Variants in SP140L observed in about 807,000 individuals in gnomAD.
The protein encoded by SP140L is SP140 like nuclear body protein.
SP140L carries 64 observed loss-of-function variants against 84.3 expected under a neutral mutation model. That is an observed-to-expected ratio of 0.76 (90% CI 0.62 to 0.94). The LOEUF is 0.94. Ranked by LOEUF, SP140L falls within the 40% of genes least tolerant of loss-of-function variation. The pLI is 0.00. For synonymous variants in SP140L, 242 were observed against 236.9 expected (o/e 1.02, Z -0.20); for missense variants, 628 against 692.5 (o/e 0.91, Z 1.05).
In SP140L at chr2:230,385,322, C is replaced by T; in HGVS notation, c.784+18C>T. 1 of 1,611,832 alleles carries T rather than the reference C, an allele frequency of 6.2e-7. No homozygotes were observed. The highest frequency in any genetic ancestry group is 8.5e-7 in the Non-Finnish European group (1 of 1,178,300). On this transcript the variant is annotated intron_variant, in intron 9 of 18. Transcript: ENST00000415673. ...GATTAGGGGTAAGATAAAGTTGGTA[C>T]CACTTTTCATTTGCCCTGCAGGTCA...
At chr2:230,380,715 A>G (rs2061376422) in intron 7 of SP140L, among the ~76,000 whole-genome samples, 1 of 152,168 alleles carries the variant, frequency 6.6e-6, no homozygotes, top group South Asian at 2.1e-4. Context: ...AAAAAACTTT[A>G]TATAAATAAG....
At chr2:230,353,075 TCTC>T (rs1431866822) in intron 2 of SP140L, among the ~76,000 whole-genome samples, 3 of 152,200 alleles carry the variant, frequency 2.0e-5, no homozygotes, top group Non-Finnish European at 4.4e-5. Flanking sequence ...TTTAAATACT[TCTC>T]CTTTTATTTA....
At chr2:230,354,871 AAGAAAGAAAG>A (rs1383030311) in intron 2 of SP140L, among the ~76,000 whole-genome samples, 3 of 140,400 alleles carry the variant, frequency 2.1e-5, no homozygotes, top group African/African-American at 7.9e-5. Context: ...GAAAGAAAGA[AAGAAAGAAAG>A]AAAGAAAGAA....
chr2:230,358,209 C>T (rs2060608733), intron 3 of SP140L, among the ~76,000 whole-genome samples: 1 of 152,088 alleles, frequency 6.6e-6, no homozygotes, highest in South Asian at 2.1e-4. Context: ...AATTCATACA[C>T]TATAACATAA....
intron 2 of SP140L, among the ~76,000 whole-genome samples, chr2:230,352,814 A>G (rs535284345): frequency 9.4e-5 from 14 of 148,936 alleles, no homozygotes; most frequent in Admixed American, 4.0e-4. Flanking sequence ...GTATGTGTGT[A>G]TATATATATA....
intron 2 of SP140L, among the ~76,000 whole-genome samples, chr2:230,351,716 G>A (rs141765058): frequency 1.2e-4 from 19 of 152,052 alleles, no homozygotes; most frequent in African/African-American, 4.1e-4. Context: ...GTGTGACCTC[G>A]GCTTACTATA....
At chr2:230,358,909 T>A in intron 3 of SP140L, 55 bp from the exon 4 acceptor site, 1 of 1,443,848 alleles carries the variant, frequency 6.9e-7, no homozygotes, top group South Asian at 1.5e-5. Context: ...TTTTTATGGC[T>A]CTTCTGTAAC....
intron 5 of SP140L, 61 bp from the exon 6 acceptor site, chr2:230,370,847 C>T: frequency 1.9e-6 from 3 of 1,545,350 alleles, no homozygotes; most frequent in Non-Finnish European, 2.7e-6. Context: ...CAATTTTGCC[C>T]CGGGAGCAGA....
In SP140L at chr2:230,328,818, C is replaced by G; in HGVS notation, c.94C>G (p.Gln32Glu). 6.2e-7 allele frequency: 1 copy of G among 1,609,924 alleles called. No homozygotes were observed. Among genetic ancestry groups the G allele is most frequent in the East Asian group, 2.2e-5 (1 of 44,760 alleles). The part of the protein sequence containing the change: ...NEMNHLPAHS[Q>E]SLQRLFTEDQ... Reference sequence around the variant, plus strand: ...GATGAACCATCTTCCTGCACACAGCCAAAGTCTGCAAAGGTGATGAAGAAT... The same window carrying G: ...GATGAACCATCTTCCTGCACACAGCGAAAGTCTGCAAAGGTGATGAAGAAT... The change falls in exon 2 of 19, where the codon CAA becomes GAA. Residue 32 changes from glutamine to glutamate, a missense_variant. Coordinates refer to ENST00000415673, the MANE Select transcript of SP140L (RefSeq NM_138402.6).
intron 7 of SP140L, among the ~76,000 whole-genome samples, chr2:230,373,002 G>T (rs373800301): frequency 6.6e-6 from 1 of 152,176 alleles, no homozygotes; most frequent in Non-Finnish European, 1.5e-5. Flanking sequence ...GATCAAATCA[G>T]CCACAACATT....
chr2:230,394,623 T>C (rs571727009), intron 13 of SP140L, among the ~76,000 whole-genome samples: 6 of 152,180 alleles, frequency 3.9e-5, no homozygotes, highest in Non-Finnish European at 7.3e-5. Flanking sequence ...CCAAATGAGC[T>C]GGCAATTTCC....
intron 6 of SP140L, 149 bp downstream of exon 6, chr2:230,371,116 G>T: frequency 1.5e-6 from 1 of 667,266 alleles, no homozygotes; most frequent in South Asian, 1.8e-5. Flanking sequence ...AGAGGCAAGA[G>T]ATCATTATAA....
chr2:230,330,690 T>C (rs1417767785), intron 2 of SP140L, among the ~76,000 whole-genome samples: 1 of 152,262 alleles, frequency 6.6e-6, no homozygotes, highest in Non-Finnish European at 1.5e-5. Flanking sequence ...TCTTCATAGA[T>C]ATTTGATATC....
Position 230,392,099 on chromosome 2 carries a change from A to G in SP140L, c.977A>G (p.Lys326Arg), listed in dbSNP as rs183267141. 4.1e-3 allele frequency: 6,697 copies of G among 1,613,826 alleles called. 33 individuals carry two copies. The highest frequency in any genetic ancestry group is 4.4e-3 in the Non-Finnish European group (5,229 of 1,179,756). Residue 326 changes from lysine to arginine, a missense_variant, in exon 12 of 19, where the codon AAG (lysine) becomes AGG (arginine). Lys to Arg is a conservative substitution (Grantham distance 26). Transcript: ENST00000415673. ...KEKLEQGTLA[K>R]CIQTEDGKWF... ...CCTGGTCTTACAGGAACCTTGGCAA[A>G]GTGTATACAGACTGAGGATGGAAAA...
chr2:230,396,809 A>G lies in SP140L; in HGVS notation c.1197+11A>G, dbSNP rs2062070802. 6.2e-7 allele frequency: 1 copy of G among 1,613,744 alleles called. No homozygotes were observed. The highest frequency in any genetic ancestry group is 8.5e-7 in the Non-Finnish European group (1 of 1,179,820). ...TCAGTTGACCCTTGTGTAAGTATAA[A>G]TTCTGAACTACAACCCCCAGAATAT... is the stretch of plus-strand genomic sequence containing the variant. On this transcript the variant is annotated intron_variant, in intron 14 of 18. Coordinates refer to ENST00000415673, the MANE Select transcript of SP140L (RefSeq NM_138402.6).
chr2:230,336,409 T>A (rs1164444200), intron 2 of SP140L, among the ~76,000 whole-genome samples: 1 of 152,206 alleles, frequency 6.6e-6, no homozygotes, highest in African/African-American at 2.4e-5. Flanking sequence ...TTGGCCCCAT[T>A]TGTTTTGCTT....
At chr2:230,393,733 A>T (rs925824296) in intron 13 of SP140L, among the ~76,000 whole-genome samples, 9 of 152,218 alleles carry the variant, frequency 5.9e-5, no homozygotes, top group African/African-American at 2.2e-4. Flanking sequence ...TCAGCAATAG[A>T]TACAGATGTT....
intron 5 of SP140L, among the ~76,000 whole-genome samples, chr2:230,368,988 G>T (rs60642250): frequency 6.6e-6 from 1 of 152,076 alleles, no homozygotes; most frequent in Admixed American, 6.5e-5. Context: ...AGATTATTGT[G>T]TCTTTTTGAT....
intron 5 of SP140L, among the ~76,000 whole-genome samples, chr2:230,364,864 G>T (rs546970163): frequency 6.6e-6 from 1 of 152,062 alleles, no homozygotes; most frequent in South Asian, 2.1e-4. Context: ...GTTGAATTTT[G>T]TCCAATGCTT....
Sources: allele counts gnomAD v4.1 joint callset (sites outside exome capture counted in the v4.1 genomes callset), GRCh38; gene constraint gnomAD v4.1.1; transcripts MANE v1.5; gene names NCBI Gene and HGNC (gene_info 2026-07-23, HGNC 2026-07-21).